The following TRIM5 variants were observed in gnomAD, a reference collection of about 807,000 sequenced individuals.
TRIM5 encodes the protein tripartite motif containing 5.
In TRIM5, 31 loss-of-function variants were observed where a neutral mutation model predicts 35.6. The observed-to-expected ratio is 0.87, with a 90% confidence interval of 0.65 to 1.18. The LOEUF is 1.18. Ranked by LOEUF, TRIM5 falls within the 50% of genes most tolerant of loss-of-function variation. The probability of loss-of-function intolerance (pLI) is 0.00; values close to 1 mark genes in which losing one functional copy is unlikely to be tolerated. For synonymous variants in TRIM5, 243 were observed against 215.6 expected, an observed-to-expected ratio of 1.13 and a Z score of -1.11; for missense variants, 609 against 591.6, an observed-to-expected ratio of 1.03 and a Z score of -0.31.
chr11:5,665,865 ATATCTATCC>A (rs55804170), intron 6 of TRIM5, 107 bp downstream of exon 6: 22,381 of 1,301,378 alleles, frequency 0.017, 240 homozygotes, highest in Non-Finnish European at 0.021. Context: ...GCAGCAGACA[ATATCTATCC>A]TCCCCTATCC....
chr11:5,660,438 A>G (rs1850774524), downstream of TRIM5, among the ~76,000 whole-genome samples: 1 of 152,018 alleles, frequency 6.6e-6, no homozygotes, highest in Non-Finnish European at 1.5e-5. Flanking sequence ...GAATATTCTG[A>G]TTGCTTGTCA....
the TRIM5 span, among the ~76,000 whole-genome samples, chr11:5,592,933 A>G: frequency 0.012 from 1,693 of 135,702 alleles, 42 homozygotes; most frequent in African/African-American, 0.048. Context: ...AAAAAAAAGA[A>G]AAAAGAAAAA....
chr11:5,639,827 T>A, the TRIM5 span, among the ~76,000 whole-genome samples: 1 of 152,084 alleles, frequency 6.6e-6, no homozygotes, highest in Non-Finnish European at 1.5e-5. Flanking sequence ...AGAAGCTTTT[T>A]TAAAAATTAG....
At chr11:5,611,320 C>T in the TRIM5 span, 1 of 1,613,646 alleles carries the variant, frequency 6.2e-7, no homozygotes, top group Admixed American at 1.7e-5. Context: ...ATTCCTATGA[C>T]CCTGCGTCGT....
the TRIM5 span, among the ~76,000 whole-genome samples, chr11:5,600,789 C>A: frequency 6.6e-6 from 1 of 152,126 alleles, no homozygotes; most frequent in Non-Finnish European, 1.5e-5. Context: ...GTGGCCTGTT[C>A]AGAACAGCGA....
the TRIM5 span, among the ~76,000 whole-genome samples, chr11:5,638,008 G>T: frequency 6.6e-6 from 1 of 152,128 alleles, no homozygotes; most frequent in Admixed American, 6.5e-5. Context: ...TTCCATCCTT[G>T]TACTTGTTTA....
chr11:5,596,923 A>G, the TRIM5 span: 2 of 1,613,880 alleles, frequency 1.2e-6, no homozygotes, highest in African/African-American at 1.3e-5. Flanking sequence ...AGGTATGTCT[A>G]CCGTTCTGTT....
At chr11:5,630,013 G>A in the TRIM5 span, among the ~76,000 whole-genome samples, 8 of 152,122 alleles carry the variant, frequency 5.3e-5, no homozygotes, top group African/African-American at 1.9e-4. Flanking sequence ...GCCTCAGTGA[G>A]GATTCTTACG....
At chr11:5,634,599 T>G in the TRIM5 span, 1 of 1,585,388 alleles carries the variant, frequency 6.3e-7, no homozygotes, top group Non-Finnish European at 8.6e-7. Context: ...CCTGACAAAC[T>G]TACTACAACT....
the TRIM5 span, chr11:5,632,708 G>A: frequency 8.1e-6 from 13 of 1,612,266 alleles, no homozygotes; most frequent in Admixed American, 3.4e-5. Flanking sequence ...CAGGAGCACC[G>A]TGGTCACCAC....
chr11:5,624,348 A>G, the TRIM5 span, among the ~76,000 whole-genome samples: 1 of 152,162 alleles, frequency 6.6e-6, no homozygotes, highest in Admixed American at 6.5e-5. Context: ...AGCATTTCCA[A>G]CACTCCCAAA....
At chr11:5,683,987 G>T (rs879156371) in intron 1 of TRIM5, 1 of 153,626 alleles carries the variant, frequency 6.5e-6, no homozygotes. Flanking sequence ...AACACTCACC[G>T]CGAAGGTCTG....
chr11:5,636,750 T>C, the TRIM5 span, among the ~76,000 whole-genome samples: 1 of 152,218 alleles, frequency 6.6e-6, no homozygotes, highest in Non-Finnish European at 1.5e-5. Flanking sequence ...GGATTAACAT[T>C]TCACTTCTAG....
intron 4 of TRIM5, among the ~76,000 whole-genome samples, chr11:5,674,037 C>G (rs1158478963): frequency 1.3e-5 from 2 of 151,814 alleles, no homozygotes; most frequent in African/African-American, 2.4e-5. Context: ...AAGATCAGAG[C>G]AGAAACGATA....
the TRIM5 span, chr11:5,632,589 G>A: frequency 1.2e-6 from 2 of 1,613,546 alleles, no homozygotes; most frequent in Admixed American, 3.3e-5. Flanking sequence ...AGGTCAAGTT[G>A]AGCCCAGACA....
chr11:5,613,735 A>ATAAG, the TRIM5 span, among the ~76,000 whole-genome samples: 6 of 152,300 alleles, frequency 3.9e-5, no homozygotes, highest in African/African-American at 9.6e-5. Context: ...AATTTACTTT[A>ATAAG]TAAGTAATTT....
the TRIM5 span, among the ~76,000 whole-genome samples, chr11:5,627,670 A>G: frequency 6.6e-6 from 1 of 152,152 alleles, no homozygotes; most frequent in Non-Finnish European, 1.5e-5. Flanking sequence ...CCTGGACTCT[A>G]AGGAGTAGCT....
At chr11:5,658,164 C>T in the TRIM5 span, among the ~76,000 whole-genome samples, 6 of 152,288 alleles carry the variant, frequency 3.9e-5, no homozygotes, top group South Asian at 1.2e-3. Context: ...CAGGAAGAGA[C>T]ACAAGCAACT....
rs768710240 is a variant in TRIM5, at chr11:5,667,700, G to T, written c.756C>A (p.Gly252=). Reference sequence around the variant, plus strand: ...CCTCCCACACATACCTTTTTATGACGCCATCCACACCCTAGGAAGAAGAGA... The same window carrying T: ...CCTCCCACACATACCTTTTTATGACTCCATCCACACCCTAGGAAGAAGAGA... ...SVMELLQGVD[G]VIKRTENVTL... is the part of the protein sequence containing the mutation. Residue 252 remains glycine, a synonymous_variant, in exon 5 of 8, where the codon GGC becomes GGA. Coordinates refer to ENST00000380034, the MANE Select transcript of TRIM5 (RefSeq NM_033034.3). 2.5e-6 allele frequency: 4 copies of T among 1,613,174 alleles called. No individual in the cohort carries two copies. The highest frequency in any genetic ancestry group is 3.4e-6 in the Non-Finnish European group (4 of 1,179,748).
Sources: gnomAD v4.1 joint callset for allele counts (sites outside exome capture counted in the v4.1 genomes callset) on GRCh38, gnomAD v4.1.1 for gene constraint, MANE v1.5 for transcripts, NCBI Gene and HGNC (gene_info 2026-07-23, HGNC 2026-07-21) for gene names.